SYN3: variants seen among roughly 807,000 people sequenced by gnomAD.
SYN3 encodes the protein synapsin-3.
Under a neutral mutation model 65.8 loss-of-function variants are expected in SYN3, and 35 were observed. That is an observed-to-expected ratio of 0.53 (90% CI 0.41 to 0.70). The LOEUF is 0.70. Ranked by LOEUF, SYN3 falls within the 30% of genes least tolerant of loss-of-function variation. SYN3 has a pLI of 0.00. For synonymous variants in SYN3, 270 were observed against 292.9 expected (o/e 0.92, Z 0.80); for missense variants, 680 against 749.0 (o/e 0.91, Z 1.08).
chr22:32,769,611 G>C (rs911965534), intron 6 of SYN3, among the ~76,000 whole-genome samples: 3 of 151,634 alleles, frequency 2.0e-5, no homozygotes, highest in Non-Finnish European at 4.4e-5. Context: ...CCGCCTCCCG[G>C]GTTCAAGTTA....
intron 6 of SYN3, among the ~76,000 whole-genome samples, chr22:32,665,509 ATG>A (rs1491274994): frequency 0.077 from 9,419 of 122,150 alleles, 959 homozygotes; most frequent in African/African-American, 0.28. Flanking sequence ...ATATATATAT[ATG>A]TCTCACATAT....
intron 1 of SYN3, among the ~76,000 whole-genome samples, chr22:33,043,513 A>T (rs911775383): frequency 1.3e-5 from 2 of 152,088 alleles, no homozygotes; most frequent in Admixed American, 1.3e-4. Flanking sequence ...ACGCCATTGC[A>T]CTCCAGCTTG....
chr22:32,575,673 C>T (rs141093560), intron 7 of SYN3, among the ~76,000 whole-genome samples: 17 of 152,308 alleles, frequency 1.1e-4, no homozygotes, highest in Admixed American at 1.1e-3. Flanking sequence ...ATTTTCACAG[C>T]ACTCACTTTT....
At chr22:32,655,703 C>T (rs1217517215) in intron 6 of SYN3, among the ~76,000 whole-genome samples, 3 of 152,064 alleles carry the variant, frequency 2.0e-5, no homozygotes, top group Non-Finnish European at 2.9e-5. Context: ...CAGATGGGAC[C>T]GTCTAGCTGC....
chr22:33,035,463 G>A (rs543811358), intron 1 of SYN3, among the ~76,000 whole-genome samples: 28 of 152,004 alleles, frequency 1.8e-4, no homozygotes, highest in Non-Finnish European at 3.7e-4. Flanking sequence ...TGGAAAGGTG[G>A]AAGGCCTCAG....
At chr22:32,552,696 C>T (rs1026655541) in intron 7 of SYN3, among the ~76,000 whole-genome samples, 1 of 152,108 alleles carries the variant, frequency 6.6e-6, no homozygotes, top group Non-Finnish European at 1.5e-5. Flanking sequence ...GGAAAAAGCA[C>T]GAGGTGCCTA....
At chr22:32,622,383 C>T (rs929887126) in intron 6 of SYN3, among the ~76,000 whole-genome samples, 4 of 152,138 alleles carry the variant, frequency 2.6e-5, no homozygotes, top group African/African-American at 9.7e-5. Flanking sequence ...AAGGAAATTC[C>T]TTTGAGGTCG....
chr22:32,625,411 A>G (rs1373818175), intron 6 of SYN3, among the ~76,000 whole-genome samples: 1 of 152,128 alleles, frequency 6.6e-6, no homozygotes, highest in African/African-American at 2.4e-5. Context: ...TTTGTCACCA[A>G]CCACCCCTTT....
intron 6 of SYN3, among the ~76,000 whole-genome samples, chr22:32,716,949 A>G (rs2061047828): frequency 6.6e-6 from 1 of 152,100 alleles, no homozygotes; most frequent in African/African-American, 2.4e-5. Context: ...ACCACCATCC[A>G]TCTCCAAAAC....
chr22:32,655,160 C>T (rs1386761484), intron 6 of SYN3, among the ~76,000 whole-genome samples: 1 of 152,158 alleles, frequency 6.6e-6, no homozygotes, highest in Non-Finnish European at 1.5e-5. Context: ...TCTTCCATGT[C>T]TCATGCTATG....
chr22:32,869,431 T>C (rs2048785762), intron 4 of SYN3, among the ~76,000 whole-genome samples: 1 of 150,034 alleles, frequency 6.7e-6, no homozygotes. Flanking sequence ...GAAAAAAATA[T>C]ATCAAAGTGA....
chr22:33,000,988 T>C (rs2053044271), intron 2 of SYN3, among the ~76,000 whole-genome samples: 1 of 152,088 alleles, frequency 6.6e-6, no homozygotes, highest in South Asian at 2.1e-4. Context: ...CGGGAAAGTG[T>C]TGCGATTCAG....
intron 7 of SYN3, among the ~76,000 whole-genome samples, chr22:32,547,119 C>T (rs560498311): frequency 1.2e-4 from 18 of 152,134 alleles, no homozygotes; most frequent in African/African-American, 3.4e-4. Flanking sequence ...CTGGGACTAC[C>T]GGCGCATGAC....
chr22:32,625,854 T>C (rs1180916506), intron 6 of SYN3, among the ~76,000 whole-genome samples: 1 of 152,244 alleles, frequency 6.6e-6, no homozygotes, highest in East Asian at 1.9e-4. Context: ...GACACATTTT[T>C]GGATGCTTAG....
Position 32,985,030 on chromosome 22 carries a change from C to T in SYN3, c.312-4328G>A, listed in dbSNP as rs577392049. ...GCAACAAGGCAGTAAAGTGCAATGG[C>T]TTCAGGGCATACAGCCTGGATAGGA... On this transcript the variant is annotated intron_variant, in intron 2 of 13. Transcript: ENST00000358763. Among the ~76,000 whole-genome samples the T allele has an allele frequency of 2.6e-5, 4 of 152,320 alleles. No homozygotes were observed. In the South Asian group the frequency reaches 8.3e-4, roughly 32 times the overall value.
rs570104416 is a variant in SYN3, at chr22:32,939,045, A to G, written c.370-7564T>C. 3.1e-3 allele frequency among the ~76,000 whole-genome samples: 466 copies of G among 152,342 alleles called. 3 individuals carry two copies. The highest frequency in any genetic ancestry group is 0.011 in the African/African-American group (451 of 41,586). ...GCTCTTCAGACAGAAGGACAATGAT[A>G]CCAGATGGAAATTTGTACCAATACA... On this transcript the variant is annotated intron_variant, in intron 3 of 13. Transcript: ENST00000358763.
At chr22:32,639,244 C>T (rs945517479) in intron 6 of SYN3, among the ~76,000 whole-genome samples, 1 of 152,174 alleles carries the variant, frequency 6.6e-6, no homozygotes, top group Non-Finnish European at 1.5e-5. Context: ...TGAGCCACCA[C>T]GCCTGGCCCA....
At chr22:32,980,559 A>G in intron 3 of SYN3, 86 bp downstream of exon 3, 1 of 1,252,788 alleles carries the variant, frequency 8.0e-7, no homozygotes, top group Non-Finnish European at 1.2e-6. Flanking sequence ...ATGACCACAT[A>G]AGATGGGGAC....
chr22:32,944,921 T>C (rs980670960), intron 3 of SYN3, among the ~76,000 whole-genome samples: 3 of 152,206 alleles, frequency 2.0e-5, no homozygotes, highest in African/African-American at 7.2e-5. Flanking sequence ...GGCCAAATCA[T>C]GAGTAAACTC....
Sources: gnomAD v4.1 joint callset for allele counts (sites outside exome capture counted in the v4.1 genomes callset) on GRCh38, gnomAD v4.1.1 for gene constraint, MANE v1.5 for transcripts, NCBI Gene and HGNC (gene_info 2026-07-23, HGNC 2026-07-21) for gene names.